The following SLC6A9 variants were observed in gnomAD, a reference collection of about 807,000 sequenced individuals.
SLC6A9 encodes solute carrier family 6 member 9.
A neutral mutation model predicts 70.9 loss-of-function variants in SLC6A9; 31 were observed. The ratio of observed to expected loss-of-function variants is 0.44; its 90% CI spans 0.33 to 0.59. The LOEUF (loss-of-function observed/expected upper bound fraction) is 0.59. Ranked by LOEUF, SLC6A9 falls within the 20% of genes least tolerant of loss-of-function variation. The pLI, the probability that SLC6A9 is intolerant of heterozygous loss-of-function variation, is 0.04. For synonymous variants in SLC6A9, 310 were observed against 341.3 expected, an observed-to-expected ratio of 0.91 and a Z score of 1.01; for missense variants, 631 against 845.2, an observed-to-expected ratio of 0.75 and a Z score of 3.14.
chr1:44,001,386 G>C lies in SLC6A9; in HGVS notation c.1200+4C>G. ...GCCTCCGGTCCACGTCCTGCACCTC[G>C]TACCTGAGTGCCCAGCCCCAGCAGG... is the stretch of plus-strand genomic sequence containing the variant. On this transcript the variant is annotated splice_donor_region_variant and intron_variant, in intron 9 of 13. Transcript: ENST00000372310. The C allele has an allele frequency of 1.2e-6, 2 of 1,612,280 alleles. No homozygotes were observed. Among genetic ancestry groups the C allele is most frequent in the Non-Finnish European group, 1.7e-6 (2 of 1,178,712 alleles).
At chr1:44,016,394 C>T (rs1266823830) in intron 2 of SLC6A9, 5 of 152,542 alleles carry the variant, frequency 3.3e-5, no homozygotes, top group African/African-American at 1.2e-4. Context: ...CCTCTCTTGC[C>T]TTTTGAAGGT....
At chr1:44,021,278 A>T (rs2086878169) in intron 2 of SLC6A9, among the ~76,000 whole-genome samples, 1 of 145,120 alleles carries the variant, frequency 6.9e-6, no homozygotes, top group Non-Finnish European at 1.5e-5. Flanking sequence ...CACCCTGGCC[A>T]GCTGGGTTCT....
chr1:44,002,357 G>A lies in SLC6A9; in HGVS notation c.918C>T (p.Leu306=), dbSNP rs138394765. 7.6e-5 allele frequency: 123 copies of A among 1,613,972 alleles called. No homozygotes were observed. Among genetic ancestry groups the A allele is most frequent in the Admixed American group, 1.0e-4 (6 of 60,004 alleles). ...FYSLGCAWGG[L]ITMASYNKFH... is the part of the protein sequence containing the mutation. ...ACTTGTTGTAGGAAGCCATGGTGAT[G>A]AGGCCTCCCCACGCGCAGCCCAGTG... Residue 306 remains leucine, a synonymous_variant, in exon 8 of 14, where the codon CTC becomes CTT. Transcript: ENST00000372310. The surrounding 1 kb of genome is among the most constrained non-coding windows in gnomAD (Gnocchi z 5.5).
chr1:44,007,925 C>G (rs964625180), intron 5 of SLC6A9, among the ~76,000 whole-genome samples: 1 of 143,206 alleles, frequency 7.0e-6, no homozygotes, highest in Non-Finnish European at 1.5e-5. Context: ...GAGTCTTGCT[C>G]TGTCGCCCAG....
chr1:44,015,885 C>T, intron 2 of SLC6A9: 2 of 985,386 alleles, frequency 2.0e-6, no homozygotes, highest in Non-Finnish European at 2.4e-6. Context: ...CCGAGCAGCC[C>T]CCAGTGGCCA....
chr1:43,996,616 A>C lies in SLC6A9; in HGVS notation c.*929T>G, dbSNP rs1008481371. ...GTGGCTTGGCCGGGGCTGTCACTGC[A>C]CAGAGGACGGACAAATGAACACTTC... On this transcript the variant is annotated 3_prime_UTR_variant, in exon 14 of 14. Transcript: ENST00000372310. 4.8e-5 allele frequency: 8 copies of C among 165,622 alleles called. No homozygotes were observed. The highest frequency in any genetic ancestry group is 1.9e-4 in the African/African-American group (8 of 41,684). 10.3% of individuals were successfully genotyped at this position (165,622 alleles called of 1,614,324 possible).
At position 44,010,680 on chromosome 1, in the gene SLC6A9, G is replaced by T. The variant is rs62621784; in HGVS notation, c.187+46C>A. ...GAGGGTGGCCCAGGCCCTGGTGGGT[G>T]GGCTCTACCCAAGTGGGTGGTCCCT... On this transcript the variant is annotated intron_variant, in intron 3 of 13. Coordinates refer to ENST00000372310, the MANE Select transcript of SLC6A9 (RefSeq NM_001024845.3). 0.021 allele frequency: 32,702 copies of T among 1,589,338 alleles called. 630 individuals are homozygous for T. Among genetic ancestry groups the T allele is most frequent in the African/African-American group, 0.1 (7,441 of 74,602 alleles).
intron 12 of SLC6A9, among the ~76,000 whole-genome samples, chr1:43,999,153 T>G (rs887498802): frequency 5.3e-5 from 8 of 152,026 alleles, no homozygotes; most frequent in African/African-American, 1.9e-4. Flanking sequence ...CTGACCTACG[T>G]GTGGACAAAT....
rs201950352 is a variant in SLC6A9, at chr1:44,002,935, C to T, written c.641G>A (p.Arg214Gln). ...SDDIGNFGEV[R>Q]LPLLGCLGVS... ...ACCGAGGCAGCCAAGGAGGGGCAGCCGCACCTCCCCAAAGTTCCCAATGTC... is the reference window on the plus strand; with the variant it reads ...ACCGAGGCAGCCAAGGAGGGGCAGCTGCACCTCCCCAAAGTTCCCAATGTC... Residue 214 changes from arginine to glutamine, a missense_variant, in exon 6 of 14, where the codon CGG (arginine) becomes CAG (glutamine). Transcript: ENST00000372310. The surrounding 1 kb of genome is among the most constrained non-coding windows in gnomAD (Gnocchi z 5.5). The T allele has an allele frequency of 1.6e-5, 26 of 1,613,416 alleles. No individual in the cohort carries two copies. The highest frequency in any genetic ancestry group is 1.5e-4 in the Admixed American group (9 of 59,998).
intron 5 of SLC6A9, among the ~76,000 whole-genome samples, chr1:44,003,999 G>C (rs2086220805): frequency 6.6e-6 from 1 of 150,752 alleles, no homozygotes; most frequent in African/African-American, 2.5e-5. Context: ...TTGTTTGAAG[G>C]ATTTTTTTTT....
chr1:44,028,776 A>C (rs1013597283), intron 1 of SLC6A9, among the ~76,000 whole-genome samples: 5 of 149,900 alleles, frequency 3.3e-5, no homozygotes, highest in Admixed American at 6.6e-5. Context: ...AAAAGAAAAA[A>C]GAAAGAGAGA....
chr1:44,028,976 G>T (rs565683981), intron 1 of SLC6A9, among the ~76,000 whole-genome samples: 3 of 152,138 alleles, frequency 2.0e-5, no homozygotes, highest in Non-Finnish European at 4.4e-5. Context: ...GGGATAAGAA[G>T]GAGTCTCTGG....
chr1:44,001,368 G>A lies in SLC6A9; in HGVS notation c.1200+22C>T, dbSNP rs780443397. On this transcript the variant is annotated intron_variant, in intron 9 of 13. Transcript: ENST00000372310. ...GTCCCCTCCCTTCCCCAAGCCTCCGGTCCACGTCCTGCACCTCGTACCTGA... is the reference window on the plus strand; with the variant it reads ...GTCCCCTCCCTTCCCCAAGCCTCCGATCCACGTCCTGCACCTCGTACCTGA... 5.0e-6 allele frequency: 8 copies of A among 1,612,688 alleles called. No homozygotes were observed. The South Asian group carries it at 7.7e-5, about 16-fold the overall frequency.
intron 1 of SLC6A9, among the ~76,000 whole-genome samples, chr1:44,027,458 T>C (rs1386715259): frequency 2.6e-5 from 4 of 152,166 alleles, no homozygotes; most frequent in Non-Finnish European, 5.9e-5. Flanking sequence ...AAGCCCTAAA[T>C]CCCTGATTCT....
At position 43,997,988 on chromosome 1, in the gene SLC6A9, A is replaced by G. The variant is rs760478974; in HGVS notation, c.1574T>C (p.Ile525Thr). 1 of 1,613,976 alleles carries G rather than the reference A, an allele frequency of 6.2e-7. No individual in the cohort carries two copies. Among genetic ancestry groups the G allele is most frequent in the South Asian group, 1.1e-5 (1 of 91,060 alleles). ...LVFTVIQYQP[I>T]TYNHYQYPGW... Reference sequence around the variant, plus strand: ...TGGGTACTGGTAGTGGTTGTAGGTGATCGGCTGGTACTGGATCACAGTGAA... The same window carrying G: ...TGGGTACTGGTAGTGGTTGTAGGTGGTCGGCTGGTACTGGATCACAGTGAA... The change falls in exon 13 of 14, where the codon ATC becomes ACC. Residue 525 changes from isoleucine to threonine, a missense_variant. Ile to Thr is a moderately conservative substitution (Grantham distance 89). Transcript: ENST00000372310. This position sits in a 1 kb window ranked among gnomAD's most constrained non-coding sequence, Gnocchi z 4.4.
Position 43,997,558 on chromosome 1 carries a change from T to A in SLC6A9, c.1889A>T (p.Asp630Val), listed in dbSNP as rs758217656. Reference protein sequence around the residue: ...VGSNGSSRLQDSRI With the variant: ...VGSNGSSRLQVSRI Reference sequence around the variant, plus strand: ...TGGCAGCTGTGCTCATATCCGGGAGTCCTGGAGGCGGCTGGAGCCATTACT... The same window carrying A: ...TGGCAGCTGTGCTCATATCCGGGAGACCTGGAGGCGGCTGGAGCCATTACT... Residue 630 changes from aspartate to valine, a missense_variant, in exon 14 of 14, where the codon GAC (aspartate) becomes GTC (valine). Physicochemically the swap from Asp to Val is radical, Grantham distance 152 (BLOSUM62 -3). Coordinates refer to ENST00000372310, the MANE Select transcript of SLC6A9 (RefSeq NM_001024845.3). The surrounding 1 kb of genome is among the most constrained non-coding windows in gnomAD (Gnocchi z 4.4). 6.2e-7 allele frequency: 1 copy of A among 1,612,712 alleles called. No homozygotes were observed.
At chr1:44,007,833 C>T (rs951617073) in intron 5 of SLC6A9, among the ~76,000 whole-genome samples, 8 of 152,094 alleles carry the variant, frequency 5.3e-5, no homozygotes, top group African/African-American at 1.4e-4. Flanking sequence ...GACGGCCTTC[C>T]TCACGGCTAC....
chr1:44,011,783 A>AT (rs2086581123), intron 2 of SLC6A9: 20 of 1,539,950 alleles, frequency 1.3e-5, no homozygotes, highest in Non-Finnish European at 1.6e-5. Context: ...CCAGGGAAGA[A>AT]TGTGGGGCCT....
rs1253487394 is a variant in SLC6A9, at chr1:44,008,540, A to G, written c.403T>C (p.Phe135Leu). 6.2e-7 allele frequency: 1 copy of G among 1,614,170 alleles called. No homozygotes were observed. Among genetic ancestry groups the G allele is most frequent in the East Asian group, 2.2e-5 (1 of 44,874 alleles). The change falls in exon 5 of 14, where the codon TTC becomes CTC. Residue 135 changes from phenylalanine (F) to leucine (L), a missense_variant. Phe to Leu is a conservative substitution (Grantham distance 22, BLOSUM62 0). Coordinates refer to ENST00000372310, the MANE Select transcript of SLC6A9 (RefSeq NM_001024845.3). ...GGCAGCACGTGCGTCATGGACGAGAAGAAGTAGTAGAAGGCGATGCAGATG... is the reference window on the plus strand; with the variant it reads ...GGCAGCACGTGCGTCATGGACGAGAGGAAGTAGTAGAAGGCGATGCAGATG... ...VVICIAFYYFFSSMTHVLPWA... is the reference protein window; with the variant it reads ...VVICIAFYYFLSSMTHVLPWA...
Sources: allele counts gnomAD v4.1 joint callset (sites outside exome capture counted in the v4.1 genomes callset), GRCh38; gene constraint gnomAD v4.1.1; non-coding constraint Gnocchi (gnomAD v3.1); transcripts MANE v1.5; gene names NCBI Gene and HGNC (gene_info 2026-07-23, HGNC 2026-07-21).